The following ATF7IP variants were observed in gnomAD, a reference collection of about 807,000 sequenced individuals.
ATF7IP encodes activating transcription factor 7-interacting protein 1.
A neutral mutation model predicts 106.4 loss-of-function variants in ATF7IP; 23 were observed. That is an observed-to-expected ratio of 0.22 (90% confidence interval 0.16 to 0.31). The LOEUF (loss-of-function observed/expected upper bound fraction) is 0.31, where lower values mean the gene tolerates loss of function less well. ATF7IP is among the 10% of genes least tolerant of loss of function. ATF7IP has a pLI of 1.00. For missense variants in ATF7IP, 1,334 were observed against 1,524.3 expected (o/e 0.88, Z 2.08); for synonymous variants, 542 against 539.0 (o/e 1.01, Z -0.08).
chr12:14,415,695 T>TG (rs950658817), intron 1 of ATF7IP, among the ~76,000 whole-genome samples: 11 of 137,364 alleles, frequency 8.0e-5, no homozygotes, highest in African/African-American at 7.9e-5. Flanking sequence ...CTTACTGTTT[T>TG]TTTTTTTTTT....
In ATF7IP at chr12:14,498,237, C is replaced by T. The variant is rs2136885743; in HGVS notation, c.*164C>T. 1 of 649,366 alleles carries T rather than the reference C, an allele frequency of 1.5e-6. No individual in the cohort carries two copies. The highest frequency in any genetic ancestry group is 2.3e-5 in the South Asian group (1 of 42,832). 40.2% of individuals were successfully genotyped at this position (649,366 alleles called of 1,614,324 possible). On this transcript the variant is annotated 3_prime_UTR_variant, in exon 15 of 15. Coordinates refer to ENST00000261168, the MANE Select transcript of ATF7IP (RefSeq NM_018179.5). ...ATAACCAGAAGCAAAATAAACTCAGCCCACAAAGCTAGAATCTTTTCCTGG... is the reference window on the plus strand; with the variant it reads ...ATAACCAGAAGCAAAATAAACTCAGTCCACAAAGCTAGAATCTTTTCCTGG...
At chr12:14,458,697 A>G (rs996626335) in intron 8 of ATF7IP, among the ~76,000 whole-genome samples, 3 of 152,060 alleles carry the variant, frequency 2.0e-5, no homozygotes, top group Non-Finnish European at 4.4e-5. Context: ...GTGGTGCACA[A>G]CTGTGGTCCC....
chr12:14,474,611 G>A (rs1591943080), intron 10 of ATF7IP, among the ~76,000 whole-genome samples: 2 of 152,162 alleles, frequency 1.3e-5, no homozygotes, highest in Admixed American at 1.3e-4. Context: ...ATATTGGCCA[G>A]GCTGGTCTCA....
chr12:14,375,881 T>G (rs1938717542), intron 1 of ATF7IP, among the ~76,000 whole-genome samples: 1 of 152,160 alleles, frequency 6.6e-6, no homozygotes, highest in Non-Finnish European at 1.5e-5. Context: ...TTTATGAAAA[T>G]AATATTCTTG....
At chr12:14,419,902 G>A (rs1315502965) in intron 1 of ATF7IP, 1 of 152,162 alleles carries the variant, frequency 6.6e-6, no homozygotes, top group Non-Finnish European at 1.5e-5. Context: ...TATGTTCTAA[G>A]TAATTGGCTT....
intron 6 of ATF7IP, among the ~76,000 whole-genome samples, chr12:14,452,650 C>T (rs1591894495): frequency 6.6e-6 from 1 of 151,980 alleles, no homozygotes; most frequent in African/African-American, 2.4e-5. Context: ...TTACTGTTGT[C>T]GTATATCACA....
chr12:14,450,715 T>C (rs1943171051), intron 6 of ATF7IP, among the ~76,000 whole-genome samples: 2 of 152,206 alleles, frequency 1.3e-5, no homozygotes, highest in Non-Finnish European at 2.9e-5. Flanking sequence ...CTTGGAATAC[T>C]ACCAATTGTT....
At chr12:14,388,752 C>G (rs907295749) in intron 1 of ATF7IP, among the ~76,000 whole-genome samples, 4 of 152,118 alleles carry the variant, frequency 2.6e-5, no homozygotes, top group African/African-American at 9.7e-5. Context: ...TCAAACAATT[C>G]TTGTGCCTCA....
intron 11 of ATF7IP, among the ~76,000 whole-genome samples, 193 bp from the exon 12 acceptor site, chr12:14,478,124 C>T (rs890989522): frequency 2.0e-5 from 3 of 152,142 alleles, no homozygotes; most frequent in African/African-American, 7.2e-5. Flanking sequence ...GAACCACCAG[C>T]AAATTACATA....
intron 12 of ATF7IP, among the ~76,000 whole-genome samples, chr12:14,480,264 T>G: frequency 6.6e-6 from 1 of 152,166 alleles, no homozygotes. Flanking sequence ...TTCAGAGAGT[T>G]GTTAACAAGA....
At chr12:14,452,617 A>C (rs1355604744) in intron 6 of ATF7IP, among the ~76,000 whole-genome samples, 1 of 152,196 alleles carries the variant, frequency 6.6e-6, no homozygotes, top group African/African-American at 2.4e-5. Flanking sequence ...GCTAGTCTAT[A>C]TCTGCCTCAC....
In ATF7IP at chr12:14,426,070, T is replaced by C. The variant is rs1472096588; in HGVS notation, c.1558+597T>C. Among the ~76,000 whole-genome samples the C allele has an allele frequency of 2.6e-5, 4 of 152,326 alleles. No homozygotes were observed. In the East Asian group the frequency reaches 7.7e-4, roughly 29 times the overall value. On this transcript the variant is annotated intron_variant, in intron 2 of 14. Coordinates refer to ENST00000261168, the MANE Select transcript of ATF7IP (RefSeq NM_018179.5). ...TTCCTCATTTTCTGAATGAGCTCCC[T>C]GTAACCCAATTCTCTTATTTGATAT...
intron 3 of ATF7IP, among the ~76,000 whole-genome samples, chr12:14,434,791 T>C (rs1942319891): frequency 6.6e-6 from 1 of 152,164 alleles, no homozygotes; most frequent in African/African-American, 2.4e-5. Context: ...CTTAAGGTTC[T>C]TCATCTTCAT....
At chr12:14,388,828 C>T (rs576735253) in intron 1 of ATF7IP, among the ~76,000 whole-genome samples, 6 of 151,916 alleles carry the variant, frequency 3.9e-5, no homozygotes, top group South Asian at 2.1e-4. Context: ...TTAGTAGAGA[C>T]GGGGTTTTAT....
chr12:14,382,117 G>T (rs1024037254), intron 1 of ATF7IP, among the ~76,000 whole-genome samples: 32 of 152,126 alleles, frequency 2.1e-4, no homozygotes, highest in African/African-American at 9.7e-5. Flanking sequence ...AGAGAGTCTC[G>T]TGAGCCCAGA....
At position 14,499,991 on chromosome 12, in the gene ATF7IP, G is replaced by A. The variant is rs963330776; in HGVS notation, c.*1918G>A. The A allele has an allele frequency of 1.3e-5, 2 of 152,158 alleles. No homozygotes were observed. Among genetic ancestry groups the A allele is most frequent in the African/African-American group, 4.8e-5 (2 of 41,430 alleles). 9.4% of individuals were successfully genotyped at this position (152,158 alleles called of 1,614,324 possible). A position where few individuals can be genotyped will look rare whatever the true frequency, so the allele number is the denominator to read the frequency against. On this transcript the variant is annotated 3_prime_UTR_variant, in exon 15 of 15. Transcript: ENST00000261168. ...TACTGGTGTCAGGTAGGTGTTTTGG[G>A]TGTAGATAATTTAGGACTGGAGGGC...
In ATF7IP at chr12:14,477,591, C is replaced by A. The variant is rs74068609; in HGVS notation, c.2942-726C>A. Among the ~76,000 whole-genome samples, 246 of 152,302 alleles carry A rather than the reference C, an allele frequency of 1.6e-3. 1 individual carries two copies. The highest frequency in any genetic ancestry group is 5.7e-3 in the African/African-American group (237 of 41,570). On this transcript the variant is annotated intron_variant, in intron 11 of 14. Transcript: ENST00000261168. ...CATGCCTCATGGGGTCTTTTTGTTG[C>A]CCCACCTTTGGGTCTGTCTCAAATT... is the stretch of plus-strand genomic sequence containing the variant.
intron 1 of ATF7IP, among the ~76,000 whole-genome samples, chr12:14,374,221 C>T (rs1186360076): frequency 2.0e-5 from 3 of 150,960 alleles, no homozygotes; most frequent in South Asian, 2.1e-4. Context: ...ACTCAGCCTC[C>T]TAGGTAGCTT....
At position 14,397,118 on chromosome 12, in the gene ATF7IP, C is replaced by T. The variant is rs183363438; in HGVS notation, c.-7-26791C>T. Among the ~76,000 whole-genome samples the T allele has an allele frequency of 2.0e-5, 3 of 152,194 alleles. No individual in the cohort carries two copies. The East Asian group carries it at 5.8e-4, about 29-fold the overall frequency. ...CGGAGGTTGCAGTAAGCCAAGATCG[C>T]ACCATTGCACTCCAGCTTGGGCAAC... On this transcript the variant is annotated intron_variant, in intron 1 of 14. Coordinates refer to ENST00000261168, the MANE Select transcript of ATF7IP (RefSeq NM_018179.5).
Sources: gnomAD v4.1 joint callset for allele counts (sites outside exome capture counted in the v4.1 genomes callset) on GRCh38, gnomAD v4.1.1 for gene constraint, MANE v1.5 for transcripts, NCBI Gene and HGNC (gene_info 2026-07-23, HGNC 2026-07-21) for gene names.